NET1: variants seen among roughly 807,000 people sequenced by gnomAD.
NET1 encodes the protein neuroepithelial cell-transforming gene 1 protein.
Under a neutral mutation model 61.1 loss-of-function variants are expected in NET1, and 42 were observed. The observed-to-expected ratio is 0.69, with a 90% confidence interval of 0.54 to 0.89. The LOEUF is 0.89. NET1 is among the 40% of genes least tolerant of loss of function. The probability of loss-of-function intolerance (pLI) is 0.00; values close to 1 mark genes in which losing one functional copy is unlikely to be tolerated. For synonymous variants in NET1, 254 were observed against 281.8 expected, an observed-to-expected ratio of 0.90 and a Z score of 0.99; for missense variants, 654 against 747.3, an observed-to-expected ratio of 0.88 and a Z score of 1.46.
chr10:5,446,483 G>A lies in NET1; in HGVS notation c.256-5347G>A. 2.3e-6 allele frequency: 2 copies of A among 861,266 alleles called. No individual in the cohort carries two copies. The highest frequency in any genetic ancestry group is 2.9e-6 in the Non-Finnish European group (2 of 697,144). The allele number at this position is 861,266 out of a possible 1,614,324, so 53.4% of individuals were successfully genotyped here. The stretch of plus-strand genomic sequence containing the variant: ...CACTCTCCTCCTGGGCGAAAGCTGA[G>A]AGGCCTAGGTGTGCCCAGCTCTCAG... On this transcript the variant is annotated intron_variant, in intron 3 of 11. Coordinates refer to ENST00000355029, the MANE Select transcript of NET1 (RefSeq NM_001047160.3). The surrounding 1 kb of genome is among the most constrained non-coding windows in gnomAD (Gnocchi z 5.0).
Position 5,417,975 on chromosome 10 carries a change from A to T in NET1, c.128+5155A>T, listed in dbSNP as rs959926682. Among the ~76,000 whole-genome samples, 1 of 152,130 alleles carries T rather than the reference A, an allele frequency of 6.6e-6. No individual in the cohort carries two copies. The highest frequency in any genetic ancestry group is 1.5e-5 in the Non-Finnish European group (1 of 68,002). On this transcript the variant is annotated intron_variant, in intron 1 of 11. Coordinates refer to ENST00000355029, the MANE Select transcript of NET1 (RefSeq NM_001047160.3). This position sits in a 1 kb window ranked among gnomAD's most constrained non-coding sequence, Gnocchi z 5.5. ...CATTAATTGATTTTTTGGGATGTTA[A>T]ACCAACTTTGCCTTCCTGGTATAAG...
Position 5,446,628 on chromosome 10 carries a change from CGGCGAGAG to C in NET1, c.256-5200_256-5193del. On this transcript the variant is annotated intron_variant, in intron 3 of 11. Transcript: ENST00000355029. The surrounding 1 kb of genome is among the most constrained non-coding windows in gnomAD (Gnocchi z 5.0). ...GCTCTCAGAAGCCTCTGCTCCACCG[CGGCGAGAG>C]GCATGGGCACGTGGCTGCCGAGGGT... The C allele has an allele frequency of 2.4e-6, 3 of 1,270,154 alleles. No individual in the cohort carries two copies. In the South Asian group the frequency reaches 8.6e-5, roughly 37 times the overall value. The allele number at this position is 1,270,154 out of a possible 1,614,324, so 78.7% of individuals were successfully genotyped here.
rs1026867744 is a variant in NET1 at position 5,427,816 on chromosome 10, C to T, written c.195+1095C>T. 1.3e-5 allele frequency among the ~76,000 whole-genome samples: 2 copies of T among 152,094 alleles called. No homozygotes were observed. Among genetic ancestry groups the T allele is most frequent in the Non-Finnish European group, 2.9e-5 (2 of 68,018 alleles). ...CATTTCCTAGGGGATAGATTCTGTT[C>T]CTTGTTTTCTTTTTTCATAGAATGA... On this transcript the variant is annotated intron_variant, in intron 2 of 11. Coordinates refer to ENST00000355029, the MANE Select transcript of NET1 (RefSeq NM_001047160.3). This position sits in a 1 kb window ranked among gnomAD's most constrained non-coding sequence, Gnocchi z 4.1.
At position 5,436,212 on chromosome 10, in the gene NET1, G is replaced by GCATATA. The variant is rs1235515365; in HGVS notation, c.255+6983_255+6984insCATATA. Among the ~76,000 whole-genome samples the GCATATA allele has an allele frequency of 3.3e-4, 25 of 76,002 alleles. 2 individuals carry two copies. The highest frequency in any genetic ancestry group is 5.3e-4 in the South Asian group (1 of 1,892). 49.9% of individuals were successfully genotyped at this position (76,002 alleles called of 152,430 possible). On this transcript the variant is annotated intron_variant, in intron 3 of 11. Transcript: ENST00000355029. ...TGTGTGTGTGTGTGTGTGTGTGTGT[G>GCATATA]TGTGTGTGTGTGCATATATATATAT... is the stretch of plus-strand genomic sequence containing the variant.
chr10:5,432,411 G>T (rs958069095), intron 3 of NET1, among the ~76,000 whole-genome samples: 1 of 152,106 alleles, frequency 6.6e-6, no homozygotes, highest in Non-Finnish European at 1.5e-5. Flanking sequence ...CATTATTATT[G>T]ATTACTGAAA....
In NET1 at chr10:5,423,148, C is replaced by T. The variant is rs1832204870; in HGVS notation, c.129-3507C>T. On this transcript the variant is annotated intron_variant, in intron 1 of 11. Transcript: ENST00000355029. This position sits in a 1 kb window ranked among gnomAD's most constrained non-coding sequence, Gnocchi z 4.4. ...CTTTTTAAAATCTTTTTCTGAAACT[C>T]GTTTTCATTCTACATCCATTTTTTA... Among the ~76,000 whole-genome samples the T allele has an allele frequency of 6.6e-6, 1 of 152,104 alleles. No homozygotes were observed. Among genetic ancestry groups the T allele is most frequent in the Non-Finnish European group, 1.5e-5 (1 of 68,000 alleles).
In NET1 at chr10:5,454,796, C is replaced by T. The variant is rs923907482; in HGVS notation, c.1027-152C>T. ...AATTTGGCTAGGACTGTTTCTTGAT[C>T]TATAAAATGAACAGACTGGCAGAAT... is the stretch of plus-strand genomic sequence containing the variant. On this transcript the variant is annotated intron_variant, in intron 9 of 11. Coordinates refer to ENST00000355029, the MANE Select transcript of NET1 (RefSeq NM_001047160.3). The surrounding 1 kb of genome is among the most constrained non-coding windows in gnomAD (Gnocchi z 8.1). 3.8e-6 allele frequency: 3 copies of T among 782,210 alleles called. No homozygotes were observed. Among genetic ancestry groups the T allele is most frequent in the East Asian group, 5.4e-5 (2 of 37,292 alleles). The allele number at this position is 782,210 out of a possible 1,614,324, so 48.5% of individuals were successfully genotyped here.
Position 5,446,896 on chromosome 10 carries a change from T to C in NET1, c.256-4934T>C. 2 of 1,547,874 alleles carry C rather than the reference T, an allele frequency of 1.3e-6. No homozygotes were observed. Among genetic ancestry groups the C allele is most frequent in the Non-Finnish European group, 1.8e-6 (2 of 1,134,330 alleles). Reference sequence around the variant, plus strand: ...GAGAAACGTTAGGCAAAAGGAATGTTTTCTAACTCCACGGAGCTTTTAAAA... The same window carrying C: ...GAGAAACGTTAGGCAAAAGGAATGTCTTCTAACTCCACGGAGCTTTTAAAA... On this transcript the variant is annotated intron_variant, in intron 3 of 11. Transcript: ENST00000355029. The surrounding 1 kb of genome is among the most constrained non-coding windows in gnomAD (Gnocchi z 5.0).
Position 5,452,767 on chromosome 10 carries a change from C to T in NET1, c.532-91C>T. 8.4e-7 allele frequency: 1 copy of T among 1,185,200 alleles called. No homozygotes were observed. Among genetic ancestry groups the T allele is most frequent in the South Asian group, 1.4e-5 (1 of 71,910 alleles). The allele number at this position is 1,185,200 out of a possible 1,614,324, so 73.4% of individuals were successfully genotyped here. ...TCAGACTGAGTTACTTTTTAAAATG[C>T]CGTTCAAAACATCAAATAATGTAAT... On this transcript the variant is annotated intron_variant, in intron 5 of 11. Coordinates refer to ENST00000355029, the MANE Select transcript of NET1 (RefSeq NM_001047160.3). The surrounding 1 kb of genome is among the most constrained non-coding windows in gnomAD (Gnocchi z 4.0).
rs1832825038 is a variant in NET1 at position 5,457,438 on chromosome 10, A to G, written c.*444A>G. The stretch of plus-strand genomic sequence containing the variant: ...ACATTGGCACCCAAAACCTACATGG[A>G]ATGTATGTCTGGAGTATTTCAAACT... On this transcript the variant is annotated 3_prime_UTR_variant, in exon 12 of 12. Coordinates refer to ENST00000355029, the MANE Select transcript of NET1 (RefSeq NM_001047160.3). This position sits in a 1 kb window ranked among gnomAD's most constrained non-coding sequence, Gnocchi z 5.4. 1 of 153,082 alleles carries G rather than the reference A, an allele frequency of 6.5e-6. No homozygotes were observed. Among genetic ancestry groups the G allele is most frequent in the South Asian group, 2.1e-4 (1 of 4,848 alleles). 9.5% of individuals were successfully genotyped at this position (153,082 alleles called of 1,614,324 possible). A position where few individuals can be genotyped will look rare whatever the true frequency, so the allele number is the denominator to read the frequency against.
chr10:5,453,628 A>G lies in NET1; in HGVS notation c.768+68A>G. The G allele has an allele frequency of 1.5e-6, 2 of 1,349,766 alleles. No homozygotes were observed. Among genetic ancestry groups the G allele is most frequent in the East Asian group, 2.3e-5 (1 of 43,730 alleles). 83.6% of individuals were successfully genotyped at this position (1,349,766 alleles called of 1,614,324 possible). A position where few individuals can be genotyped will look rare whatever the true frequency, so the allele number is the denominator to read the frequency against. ...TGTGCCATGTTGCAGTTTCTGATGA[A>G]TATGAGACAGATTTGATCCCACAAC... On this transcript the variant is annotated intron_variant, in intron 8 of 11. Coordinates refer to ENST00000355029, the MANE Select transcript of NET1 (RefSeq NM_001047160.3). This position sits in a 1 kb window ranked among gnomAD's most constrained non-coding sequence, Gnocchi z 4.9.
chr10:5,439,837 A>C lies in NET1; in HGVS notation c.255+10608A>C, dbSNP rs866041199. ...TGGCCTGAACAGCAGGGCAGTTTGC[A>C]CCACAGCCTGGAGGACCTGCTACAG... On this transcript the variant is annotated intron_variant, in intron 3 of 11. Coordinates refer to ENST00000355029, the MANE Select transcript of NET1 (RefSeq NM_001047160.3). The surrounding 1 kb of genome is among the most constrained non-coding windows in gnomAD (Gnocchi z 4.8). Among the ~76,000 whole-genome samples, 2 of 152,320 alleles carry C rather than the reference A, an allele frequency of 1.3e-5. No homozygotes were observed. Among genetic ancestry groups the C allele is most frequent in the Middle Eastern group, 3.4e-3 (1 of 294 alleles).
rs1054025334 is a variant in NET1, at chr10:5,446,584, T to C, written c.256-5246T>C. 16 of 1,188,710 alleles carry C rather than the reference T, an allele frequency of 1.3e-5. No homozygotes were observed. The highest frequency in any genetic ancestry group is 3.3e-4 in the Middle Eastern group (1 of 2,986). 73.6% of individuals were successfully genotyped at this position (1,188,710 alleles called of 1,614,324 possible). The stretch of plus-strand genomic sequence containing the variant: ...GTGGCCCCGCCCCCGAGCCCTGGGG[T>C]CGGTGCTTGCTGCCTGCGGCTCTCA... On this transcript the variant is annotated intron_variant, in intron 3 of 11. Transcript: ENST00000355029. This position sits in a 1 kb window ranked among gnomAD's most constrained non-coding sequence, Gnocchi z 5.0.
At chr10:5,430,919 T>A (rs1480643825) in intron 3 of NET1, among the ~76,000 whole-genome samples, 4 of 149,124 alleles carry the variant, frequency 2.7e-5, no homozygotes, top group Non-Finnish European at 4.5e-5. Flanking sequence ...TTGCCCAGGC[T>A]GGAGTGCAGT....
chr10:5,454,624 A>G lies in NET1; in HGVS notation c.1026+102A>G. The G allele has an allele frequency of 7.2e-7, 1 of 1,389,136 alleles. No individual in the cohort carries two copies. Among genetic ancestry groups the G allele is most frequent in the Non-Finnish European group, 9.8e-7 (1 of 1,022,688 alleles). The allele number at this position is 1,389,136 out of a possible 1,614,324, so 86.1% of individuals were successfully genotyped here. ...ATGCTGATTCACATCAGCATAGTGA[A>G]TTGTTTTGTTGTTTTAAGTACCCAG... is the stretch of plus-strand genomic sequence containing the variant. On this transcript the variant is annotated intron_variant, in intron 9 of 11. Coordinates refer to ENST00000355029, the MANE Select transcript of NET1 (RefSeq NM_001047160.3). This position sits in a 1 kb window ranked among gnomAD's most constrained non-coding sequence, Gnocchi z 8.1.
intron 3 of NET1, among the ~76,000 whole-genome samples, chr10:5,442,161 T>C (rs1832531999): frequency 6.6e-6 from 1 of 152,220 alleles, no homozygotes; most frequent in Admixed American, 6.5e-5. Flanking sequence ...AATTAAGAGA[T>C]TGTTTATGTA....
intron 3 of NET1, among the ~76,000 whole-genome samples, chr10:5,442,768 T>G (rs1044549662): frequency 1.3e-5 from 2 of 151,358 alleles, no homozygotes; most frequent in Non-Finnish European, 2.9e-5. Flanking sequence ...GATGGCACAC[T>G]CGGGAGGCTG....
In NET1 at chr10:5,458,708, GAT is replaced by G. The variant is rs1832850271; in HGVS notation, c.*1716_*1717del. 2.6e-5 allele frequency among the ~76,000 whole-genome samples: 4 copies of G among 152,174 alleles called. No homozygotes were observed. The South Asian group carries it at 8.3e-4, about 31-fold the overall frequency. On this transcript the variant is annotated 3_prime_UTR_variant, in exon 12 of 12. Coordinates refer to ENST00000355029, the MANE Select transcript of NET1 (RefSeq NM_001047160.3). This position sits in a 1 kb window ranked among gnomAD's most constrained non-coding sequence, Gnocchi z 4.5. The stretch of plus-strand genomic sequence containing the variant: ...TGAACACCTGTTACTTTCTGGATAG[GAT>G]AGTAAGGGTAGTAGTGGCAAAGGAT...
In NET1 at chr10:5,436,194, G is replaced by GT. The variant is rs1328796061; in HGVS notation, c.255+6966dup. On this transcript the variant is annotated intron_variant, in intron 3 of 11. Transcript: ENST00000355029. Reference sequence around the variant, plus strand: ...GTGTGTGTGTGTGTGTGTTGTGTGTGTGTGTGTGTGTGTGTGTGTGTGTGT... The same window carrying GT: ...GTGTGTGTGTGTGTGTGTTGTGTGTGTTGTGTGTGTGTGTGTGTGTGTGTGT... Among the ~76,000 whole-genome samples the GT allele has an allele frequency of 5.3e-4, 8 of 14,984 alleles. No individual in the cohort carries two copies. In the East Asian group the frequency reaches 6.9e-3, roughly 13 times the overall value. The allele number at this position is 14,984 out of a possible 152,430, so 9.8% of individuals were successfully genotyped here.
Sources: gnomAD v4.1 joint callset for allele counts (sites outside exome capture counted in the v4.1 genomes callset) on GRCh38, gnomAD v4.1.1 for gene constraint, Gnocchi (gnomAD v3.1) non-coding constraint, MANE v1.5 for transcripts, NCBI Gene and HGNC (gene_info 2026-07-23, HGNC 2026-07-21) for gene names.